The following SOX6 variants were observed in gnomAD, a reference collection of about 807,000 sequenced individuals.
SOX6 encodes the protein transcription factor SOX-6.
Under a neutral mutation model 97.8 loss-of-function variants are expected in SOX6, and 11 were observed. The observed-to-expected ratio is 0.11, with a 90% CI of 0.07 to 0.19. The LOEUF (loss-of-function observed/expected upper bound fraction) is 0.19. Ranked by LOEUF, SOX6 falls within the 10% of genes least tolerant of loss-of-function variation. The pLI is 1.00. For synonymous variants in SOX6, 360 were observed against 371.4 expected (o/e 0.97, Z 0.35); for missense variants, 810 against 1,039.5 (o/e 0.78, Z 3.04).
chr11:16,327,939 A>T (rs1590128792), intron 2 of SOX6, among the ~76,000 whole-genome samples: 1 of 152,120 alleles, frequency 6.6e-6, no homozygotes, highest in Non-Finnish European at 1.5e-5. Flanking sequence ...ATTCACTTGT[A>T]CCCTTTCCTG....
chr11:16,411,267 G>A (rs928568012), intron 1 of SOX6, among the ~76,000 whole-genome samples: 1 of 152,086 alleles, frequency 6.6e-6, no homozygotes, highest in Admixed American at 6.6e-5. Flanking sequence ...AGGTTAATTG[G>A]CTTTTTCAGT....
chr11:16,011,415 T>C (rs1440692504), intron 13 of SOX6, among the ~76,000 whole-genome samples: 2 of 152,136 alleles, frequency 1.3e-5, no homozygotes, highest in Non-Finnish European at 2.9e-5. Context: ...TGCTGTCTTG[T>C]CACATTCAAG....
At chr11:16,254,042 T>C (rs1853603752) in intron 3 of SOX6, among the ~76,000 whole-genome samples, 2 of 151,776 alleles carry the variant, frequency 1.3e-5, no homozygotes, top group African/African-American at 2.4e-5. Context: ...ATATGACTTC[T>C]CCTCAGAAAC....
intron 4 of SOX6, among the ~76,000 whole-genome samples, chr11:16,588,942 T>C (rs1051176781): frequency 6.6e-5 from 10 of 152,206 alleles, no homozygotes; most frequent in African/African-American, 2.4e-4. Context: ...GGAGGATCAC[T>C]TGAGCCCAGG....
chr11:16,521,874 T>A (rs1861071079), intron 4 of SOX6, among the ~76,000 whole-genome samples: 1 of 152,074 alleles, frequency 6.6e-6, no homozygotes, highest in Non-Finnish European at 1.5e-5. Context: ...GAAGAAAGGG[T>A]ATCAGTGATG....
chr11:16,281,227 G>A (rs1490440375), intron 3 of SOX6, among the ~76,000 whole-genome samples: 1 of 152,042 alleles, frequency 6.6e-6, no homozygotes, highest in African/African-American at 2.4e-5. Context: ...ATGTTCAGAA[G>A]TCATAGCTTT....
At chr11:16,655,584 A>G (rs1590040912) in intron 3 of SOX6, among the ~76,000 whole-genome samples, 1 of 152,230 alleles carries the variant, frequency 6.6e-6, no homozygotes, top group Non-Finnish European at 1.5e-5. Context: ...TTTGATATGG[A>G]ATAAATCTTT....
Position 15,972,881 on chromosome 11 carries a change from A to G in SOX6, c.2415T>C (p.Asp805=), listed in dbSNP as rs1853358992. ...CTGATTTGGGGTCATCTTCATAGTCATCATACATTTCCATTTCATCCTCTC... is the reference window on the plus strand; with the variant it reads ...CTGATTTGGGGTCATCTTCATAGTCGTCATACATTTCCATTTCATCCTCTC... ...INGEDEMEMY[D]DYEDDPKSDY... Residue 805 remains aspartate (D), a synonymous_variant, in exon 16 of 16, where the codon GAT becomes GAC. Coordinates refer to ENST00000683767, the MANE Select transcript of SOX6 (RefSeq NM_001367873.1). 4 of 1,614,234 alleles carry G rather than the reference A, an allele frequency of 2.5e-6. No individual in the cohort carries two copies. In the East Asian group the frequency reaches 8.9e-5, roughly 36 times the overall value.
chr11:16,708,231 C>T (rs146344668), intron 3 of SOX6, among the ~76,000 whole-genome samples: 144 of 152,194 alleles, frequency 9.5e-4, no homozygotes, highest in Non-Finnish European at 1.3e-3. Flanking sequence ...ATTGATCTTA[C>T]GTTTGTTTAT....
rs1380481396 is a variant in SOX6 at position 16,063,537 on chromosome 11, T to C, written c.1102-7636A>G. Among the ~76,000 whole-genome samples, 152 of 87,038 alleles carry C rather than the reference T, an allele frequency of 1.7e-3. 4 individuals are homozygous for C. The highest frequency in any genetic ancestry group is 2.4e-3 in the Non-Finnish European group (104 of 43,154). The allele number at this position is 87,038 out of a possible 152,430, so 57.1% of individuals were successfully genotyped here. A position where few individuals can be genotyped will look rare whatever the true frequency, so the allele number is the denominator to read the frequency against. Reference sequence around the variant, plus strand: ...ATATATATATATATATATATATATATATATATATATATATATACCTGCTTT... The same window carrying C: ...ATATATATATATATATATATATATACATATATATATATATATACCTGCTTT... On this transcript the variant is annotated intron_variant, in intron 9 of 15. Coordinates refer to ENST00000683767, the MANE Select transcript of SOX6 (RefSeq NM_001367873.1).
intron 1 of SOX6, among the ~76,000 whole-genome samples, chr11:16,364,134 C>T (rs983825020): frequency 1.2e-4 from 19 of 152,106 alleles, no homozygotes; most frequent in African/African-American, 4.6e-4. Flanking sequence ...TTTTCCTCCT[C>T]CCTGAAATTT....
At chr11:16,579,201 T>C (rs1384918674) in intron 4 of SOX6, among the ~76,000 whole-genome samples, 1 of 152,182 alleles carries the variant, frequency 6.6e-6, no homozygotes, top group African/African-American at 2.4e-5. Context: ...TAAAAATGTA[T>C]ACATAGCCTT....
At chr11:16,194,269 ATTATC>A (rs1333380055) in intron 4 of SOX6, among the ~76,000 whole-genome samples, 6 of 152,188 alleles carry the variant, frequency 3.9e-5, no homozygotes, top group African/African-American at 1.4e-4. Flanking sequence ...AAAGACCTCT[ATTATC>A]TTATCAGTCT....
rs114081601 is a variant in SOX6 at position 16,571,797 on chromosome 11, G to A, written n.609+40284C>T. 8.0e-3 allele frequency among the ~76,000 whole-genome samples: 1,221 copies of A among 152,184 alleles called. 14 individuals are homozygous for A. The highest frequency in any genetic ancestry group is 0.028 in the African/African-American group (1,166 of 41,528). ...CTCCCTAGTAACTGGGATTACAGGAGCACTCTGCCACGTCTGGCTAATTTT... is the reference window on the plus strand; with the variant it reads ...CTCCCTAGTAACTGGGATTACAGGAACACTCTGCCACGTCTGGCTAATTTT... On this transcript the variant is annotated intron_variant and non_coding_transcript_variant, in intron 4 of 5. Transcript: ENST00000524520.
chr11:16,205,279 G>C (rs1470066195), intron 4 of SOX6, among the ~76,000 whole-genome samples: 1 of 151,990 alleles, frequency 6.6e-6, no homozygotes, highest in East Asian at 1.9e-4. Context: ...ATAGCAAATT[G>C]AGATCTTCTA....
chr11:16,617,662 G>A (rs1848487914), intron 3 of SOX6, among the ~76,000 whole-genome samples: 1 of 151,786 alleles, frequency 6.6e-6, no homozygotes, highest in African/African-American at 2.4e-5. Context: ...TATAAACAGT[G>A]AACAGTAAGT....
At chr11:16,587,790 T>C (rs918958003) in intron 4 of SOX6, among the ~76,000 whole-genome samples, 6 of 152,184 alleles carry the variant, frequency 3.9e-5, no homozygotes, top group Non-Finnish European at 8.8e-5. Flanking sequence ...ACTAACAGAC[T>C]TCAAAGACAG....
chr11:16,656,739 A>T lies in SOX6; in HGVS notation n.430-44479T>A, dbSNP rs145121161. On this transcript the variant is annotated intron_variant and non_coding_transcript_variant, in intron 3 of 5. Coordinates refer to the SOX6 transcript ENST00000524520. ...TTTTCTGGCACTTCTTAAATAAAAA[A>T]TTTACTATGTATTGTTACAAAACTA... Among the ~76,000 whole-genome samples, 1,227 of 152,268 alleles carry T rather than the reference A, an allele frequency of 8.1e-3. 21 individuals are homozygous for T. Among genetic ancestry groups the T allele is most frequent in the African/African-American group, 0.027 (1,114 of 41,566 alleles).
Position 16,733,858 on chromosome 11 carries a change from C to T in SOX6, n.353+2481G>A, listed in dbSNP as rs569597166. Among the ~76,000 whole-genome samples the T allele has an allele frequency of 5.9e-5, 9 of 151,412 alleles. No homozygotes were observed. The East Asian group carries it at 1.8e-3, about 30-fold the overall frequency. ...TGGATAATACGGTGAAACCCCATCT[C>T]TACTAAAAATACAAAAAAATTAGCC... On this transcript the variant is annotated intron_variant and non_coding_transcript_variant, in intron 2 of 5. Transcript: ENST00000524520.
Sources: gnomAD v4.1 joint callset for allele counts (sites outside exome capture counted in the v4.1 genomes callset) on GRCh38, gnomAD v4.1.1 for gene constraint, MANE v1.5 for transcripts, NCBI Gene and HGNC (gene_info 2026-07-23, HGNC 2026-07-21) for gene names.